Variants in SORCS1 observed in about 807,000 individuals in gnomAD.
The protein encoded by SORCS1 is VPS10 domain-containing receptor SorCS1.
SORCS1 carries 60 observed loss-of-function variants against 146.1 expected under a neutral mutation model. The ratio of observed to expected loss-of-function variants is 0.41; its 90% confidence interval spans 0.33 to 0.51. The LOEUF (loss-of-function observed/expected upper bound fraction) is 0.51. Ranked by LOEUF, SORCS1 falls within the 20% of genes least tolerant of loss-of-function variation. The probability of loss-of-function intolerance (pLI) is 0.21; values close to 1 mark genes in which losing one functional copy is unlikely to be tolerated. For synonymous variants in SORCS1, 637 were observed against 584.0 expected, an observed-to-expected ratio of 1.09 and a Z score of -1.31; for missense variants, 1,352 against 1,487.6, an observed-to-expected ratio of 0.91 and a Z score of 1.50.
chr10:106,924,270 A>AGT (rs60551348), intron 2 of SORCS1, among the ~76,000 whole-genome samples: 1 of 147,478 alleles, frequency 6.8e-6, no homozygotes, highest in Non-Finnish European at 1.5e-5. Flanking sequence ...AAAAAAAAAA[A>AGT]CTACCTTTTA....
chr10:107,001,004 T>G (rs1254557530), intron 1 of SORCS1, among the ~76,000 whole-genome samples: 1 of 152,134 alleles, frequency 6.6e-6, no homozygotes, highest in Non-Finnish European at 1.5e-5. Context: ...TCTTGCCACT[T>G]TGGGTTGAAG....
intron 22 of SORCS1, among the ~76,000 whole-genome samples, chr10:106,610,089 T>A (rs1184905123): frequency 6.6e-6 from 1 of 152,114 alleles, no homozygotes; most frequent in Non-Finnish European, 1.5e-5. Context: ...TGCCTCCTGG[T>A]GGTGATAATG....
intron 18 of SORCS1, among the ~76,000 whole-genome samples, chr10:106,651,007 C>T (rs1213452261): frequency 6.6e-6 from 1 of 152,128 alleles, no homozygotes; most frequent in Non-Finnish European, 1.5e-5. Context: ...TGAGCAACTC[C>T]AATTTGCCTA....
intron 2 of SORCS1, among the ~76,000 whole-genome samples, chr10:106,834,401 A>G (rs767688975): frequency 4.6e-5 from 7 of 152,230 alleles, no homozygotes; most frequent in Non-Finnish European, 1.0e-4. Context: ...CACAAACTAT[A>G]TTATTCTAAT....
intron 13 of SORCS1, among the ~76,000 whole-genome samples, chr10:106,676,050 A>C (rs980178563): frequency 1.3e-5 from 2 of 152,156 alleles, no homozygotes; most frequent in African/African-American, 4.8e-5. Flanking sequence ...AGGCCAAATG[A>C]ACTAAGATGG....
At chr10:106,584,764 A>G (rs571282401) in intron 24 of SORCS1, among the ~76,000 whole-genome samples, 10 of 152,202 alleles carry the variant, frequency 6.6e-5, no homozygotes, top group Non-Finnish European at 1.2e-4. Context: ...TGACAAGTGA[A>G]GCATTGTTTC....
chr10:106,727,272 C>CG (rs1856270074), intron 6 of SORCS1, among the ~76,000 whole-genome samples: 1 of 152,052 alleles, frequency 6.6e-6, no homozygotes, highest in Non-Finnish European at 1.5e-5. Flanking sequence ...ACTGGTCAGC[C>CG]GGGTATGCCA....
chr10:106,807,969 T>C (rs375817301), intron 3 of SORCS1, among the ~76,000 whole-genome samples: 38 of 152,360 alleles, frequency 2.5e-4, no homozygotes, highest in African/African-American at 7.9e-4. Flanking sequence ...TTGAGATCAA[T>C]TGCACCCTTT....
At position 106,706,563 on chromosome 10, in the gene SORCS1, C is replaced by T. The variant is rs1175757854; in HGVS notation, c.1215G>A (p.Pro405=). 9.9e-6 allele frequency: 16 copies of T among 1,614,006 alleles called. No individual in the cohort carries two copies. The highest frequency in any genetic ancestry group is 5.0e-5 in the Admixed American group (3 of 60,004). ...RRNAFAQMKL[P]KYALPKDMHV... ...GCCATACCTTGGGCAAAGCATATTT[C>T]GGAAGCTTCATTTGGGCAAATGCAT... is the stretch of plus-strand genomic sequence containing the variant. The change falls in exon 8 of 26, where the codon CCG becomes CCA. Residue 405 remains proline (P), a synonymous_variant. Coordinates refer to ENST00000263054, the MANE Select transcript of SORCS1 (RefSeq NM_052918.5).
intron 2 of SORCS1, among the ~76,000 whole-genome samples, chr10:106,882,770 G>T (rs1950853872): frequency 6.6e-6 from 1 of 152,154 alleles, no homozygotes; most frequent in Non-Finnish European, 1.5e-5. Context: ...ATTCACTAGA[G>T]AATTTTAATA....
In SORCS1 at chr10:106,773,920, G is replaced by T. The variant is rs1860225737; in HGVS notation, c.885+2614C>A. On this transcript the variant is annotated intron_variant, in intron 4 of 25. Transcript: ENST00000263054. ...GCCCAGATTGCGCCATTGCACTCCA[G>T]CCTGGGTGACAGGGCAAGACTCCAT... 2.6e-5 allele frequency among the ~76,000 whole-genome samples: 4 copies of T among 151,878 alleles called. No individual in the cohort carries two copies. In the South Asian group the frequency reaches 8.3e-4, roughly 32 times the overall value.
chr10:107,083,817 C>T (rs1216927057), intron 1 of SORCS1, among the ~76,000 whole-genome samples: 2 of 152,166 alleles, frequency 1.3e-5, no homozygotes, highest in Non-Finnish European at 2.9e-5. Context: ...ATGACTCACG[C>T]TAATCTACTA....
chr10:106,750,910 A>G (rs1352527048), intron 5 of SORCS1, among the ~76,000 whole-genome samples: 1 of 148,260 alleles, frequency 6.7e-6, no homozygotes, highest in African/African-American at 2.5e-5. Flanking sequence ...ATATAAAAAA[A>G]TCAGCTGGGC....
At chr10:106,967,846 G>C (rs1401572243) in intron 1 of SORCS1, among the ~76,000 whole-genome samples, 1 of 151,872 alleles carries the variant, frequency 6.6e-6, no homozygotes, top group African/African-American at 2.4e-5. Context: ...TCTCAGTTTA[G>C]AGCTGTAAAA....
chr10:106,699,480 G>A, intron 8 of SORCS1, 87 bp from the exon 9 acceptor site: 1 of 1,214,354 alleles, frequency 8.2e-7, no homozygotes, highest in Non-Finnish European at 1.1e-6. Flanking sequence ...AATCAAATGA[G>A]GAATACCAGA....
intron 1 of SORCS1, among the ~76,000 whole-genome samples, chr10:107,038,404 G>A (rs995055944): frequency 6.5e-5 from 9 of 139,226 alleles, no homozygotes; most frequent in South Asian, 2.7e-4. Context: ...GGTGGGTGGG[G>A]GGGGAGAGAC....
intron 6 of SORCS1, among the ~76,000 whole-genome samples, chr10:106,724,156 G>C (rs113870970): frequency 6.6e-6 from 1 of 152,084 alleles, no homozygotes; most frequent in Admixed American, 6.6e-5. Context: ...AATACTACTC[G>C]AGTTAATTTC....
chr10:106,738,951 G>T (rs142805732), intron 5 of SORCS1, among the ~76,000 whole-genome samples: 2 of 152,180 alleles, frequency 1.3e-5, no homozygotes, highest in African/African-American at 4.8e-5. Context: ...GCCTCCCAAA[G>T]TTCTGAGATG....
At chr10:106,761,541 C>A in intron 5 of SORCS1, 47 bp downstream of exon 5, 1 of 1,538,338 alleles carries the variant, frequency 6.5e-7, no homozygotes, top group Non-Finnish European at 9.0e-7. Context: ...TAGGTCATAT[C>A]TGACTAGGTC....
Sources: gnomAD v4.1 joint callset for allele counts (sites outside exome capture counted in the v4.1 genomes callset) on GRCh38, gnomAD v4.1.1 for gene constraint, MANE v1.5 for transcripts, NCBI Gene and HGNC (gene_info 2026-07-23, HGNC 2026-07-21) for gene names.